The following PPP2R2B variants were observed in gnomAD, a reference collection of about 807,000 sequenced individuals.
PPP2R2B encodes serine/threonine-protein phosphatase 2A 55 kDa regulatory subunit B beta isoform.
A neutral mutation model predicts 46.0 loss-of-function variants in PPP2R2B; 5 were observed. The observed-to-expected ratio is 0.11, with a 90% confidence interval of 0.06 to 0.23. PPP2R2B has a LOEUF of 0.23. PPP2R2B is among the 10% of genes least tolerant of loss of function. The pLI is 1.00. For synonymous variants in PPP2R2B, 215 were observed against 206.7 expected (o/e 1.04, Z -0.34); for missense variants, 367 against 575.0 (o/e 0.64, Z 3.70).
intron 1 of PPP2R2B, among the ~76,000 whole-genome samples, chr5:147,046,975 A>G (rs1413051569): frequency 6.6e-6 from 1 of 152,082 alleles, no homozygotes; most frequent in Non-Finnish European, 1.5e-5. Flanking sequence ...CCCAAAGCAC[A>G]TATCACTTAA....
At chr5:147,080,972 C>G in intron 2 of PPP2R2B, 1 of 1,292,924 alleles carries the variant, frequency 7.7e-7, no homozygotes, top group Non-Finnish European at 1.1e-6. Context: ...GACTTAGATT[C>G]ATGAAAGTAA....
chr5:147,000,682 C>G (rs553365754), intron 1 of PPP2R2B, among the ~76,000 whole-genome samples: 10 of 79,744 alleles, frequency 1.3e-4, no homozygotes, highest in South Asian at 5.1e-4. Context: ...ATGGCAAAAA[C>G]CACAATTACT....
chr5:146,709,342 GT>G, intron 2 of PPP2R2B, among the ~76,000 whole-genome samples: 1 of 152,222 alleles, frequency 6.6e-6, no homozygotes. Flanking sequence ...AATGGCATGT[GT>G]TATGTCATGG....
intron 1 of PPP2R2B, among the ~76,000 whole-genome samples, chr5:146,953,615 T>C (rs1298532708): frequency 1.3e-5 from 2 of 152,092 alleles, no homozygotes; most frequent in Non-Finnish European, 2.9e-5. Context: ...CAGAAGAAAA[T>C]GAATCCCACC....
At chr5:146,930,065 T>C (rs1763917671) in intron 1 of PPP2R2B, among the ~76,000 whole-genome samples, 1 of 152,152 alleles carries the variant, frequency 6.6e-6, no homozygotes, top group Admixed American at 6.6e-5. Context: ...TAGAAACGCA[T>C]AAACCAATAG....
intron 1 of PPP2R2B, among the ~76,000 whole-genome samples, chr5:146,920,175 T>C (rs1459407260): frequency 6.6e-6 from 1 of 152,150 alleles, no homozygotes; most frequent in African/African-American, 2.4e-5. Context: ...TCTGAAAAGG[T>C]GGCTGGGCAG....
chr5:146,800,441 A>C (rs772331210), intron 2 of PPP2R2B, among the ~76,000 whole-genome samples: 7 of 152,008 alleles, frequency 4.6e-5, no homozygotes, highest in Non-Finnish European at 1.0e-4. Flanking sequence ...GGCACTCTCT[A>C]ATGCTGTCTC....
chr5:146,942,010 C>T (rs899529233), intron 1 of PPP2R2B, among the ~76,000 whole-genome samples: 1 of 152,292 alleles, frequency 6.6e-6, no homozygotes, highest in African/African-American at 2.4e-5. Context: ...ACTCCGGTCT[C>T]CGCCTCCCCA....
intron 2 of PPP2R2B, among the ~76,000 whole-genome samples, chr5:146,869,059 C>T (rs1183862963): frequency 6.6e-6 from 1 of 152,164 alleles, no homozygotes; most frequent in African/African-American, 2.4e-5. Context: ...CCATAACTAC[C>T]AGCAATCATT....
At chr5:146,869,882 A>G (rs960279758) in intron 2 of PPP2R2B, among the ~76,000 whole-genome samples, 6 of 152,210 alleles carry the variant, frequency 3.9e-5, no homozygotes, top group Admixed American at 2.6e-4. Flanking sequence ...CTACAAAGCT[A>G]CATAAGCAAT....
At chr5:146,629,753 CCCCTTT>C (rs1774302769) in intron 7 of PPP2R2B, among the ~76,000 whole-genome samples, 2 of 150,172 alleles carry the variant, frequency 1.3e-5, no homozygotes, top group Non-Finnish European at 1.5e-5. Flanking sequence ...CTCCCTCCCT[CCCCTTT>C]TCTTCCTTTT....
At chr5:147,006,033 A>G (rs2151873377) in intron 1 of PPP2R2B, among the ~76,000 whole-genome samples, 1 of 152,268 alleles carries the variant, frequency 6.6e-6, no homozygotes, top group Middle Eastern at 3.4e-3. Flanking sequence ...AAAATCCTTA[A>G]CCCAGCAGGT....
At chr5:146,707,578 C>T in intron 2 of PPP2R2B, 2 of 694,538 alleles carry the variant, frequency 2.9e-6, no homozygotes, top group Admixed American at 4.0e-5. Flanking sequence ...CCTTGTAGGA[C>T]TTCTGCACCC....
chr5:146,781,973 T>C lies in PPP2R2B; in HGVS notation c.71-80831A>G, dbSNP rs1394480697. On this transcript the variant is annotated intron_variant, in intron 2 of 9. Coordinates refer to ENST00000394411, the MANE Select transcript of PPP2R2B (RefSeq NM_181675.4). ...GATCATGGGGGCAGTTTCTGTTGAA[T>C]GGTTTAACACCATTTCCCTTGGTAC... is the stretch of plus-strand genomic sequence containing the variant. Among the ~76,000 whole-genome samples, 86 of 152,208 alleles carry C rather than the reference T, an allele frequency of 5.7e-4. 1 individual carries two copies. The highest frequency in any genetic ancestry group is 1.5e-5 in the Non-Finnish European group (1 of 68,046).
At chr5:146,887,450 TA>T (rs1388382800) in intron 1 of PPP2R2B, among the ~76,000 whole-genome samples, 11 of 152,278 alleles carry the variant, frequency 7.2e-5, no homozygotes, top group Admixed American at 6.5e-4. Flanking sequence ...GCCTCAAAAC[TA>T]TTTAAAGTTA....
At chr5:146,967,135 G>C (rs542115050) in intron 1 of PPP2R2B, among the ~76,000 whole-genome samples, 1 of 152,286 alleles carries the variant, frequency 6.6e-6, no homozygotes, top group African/African-American at 2.4e-5. Flanking sequence ...AGGCCCTGCT[G>C]TTTTCACTGC....
At chr5:146,955,005 T>C (rs1305331925) in intron 1 of PPP2R2B, among the ~76,000 whole-genome samples, 1 of 152,180 alleles carries the variant, frequency 6.6e-6, no homozygotes, top group Non-Finnish European at 1.5e-5. Context: ...ATCTGCTCGA[T>C]GGTCCTCCCA....
chr5:146,666,198 G>A (rs534987581), intron 5 of PPP2R2B, among the ~76,000 whole-genome samples: 1 of 152,244 alleles, frequency 6.6e-6, no homozygotes, highest in South Asian at 2.1e-4. Context: ...ATATTACTGA[G>A]TAATATGTCT....
chr5:146,671,575 T>C (rs561066856), intron 5 of PPP2R2B, among the ~76,000 whole-genome samples: 1 of 152,212 alleles, frequency 6.6e-6, no homozygotes, highest in Non-Finnish European at 1.5e-5. Context: ...TGCCACTCCA[T>C]CAAACACATT....
Sources: gnomAD v4.1 joint callset for allele counts (sites outside exome capture counted in the v4.1 genomes callset) on GRCh38, gnomAD v4.1.1 for gene constraint, MANE v1.5 for transcripts, NCBI Gene and HGNC (gene_info 2026-07-23, HGNC 2026-07-21) for gene names.